The following POU2F1 variants were observed in gnomAD, a reference collection of about 807,000 sequenced individuals.
The protein encoded by POU2F1 is POU class 2 homeobox 1, also known as POU domain, class 2, transcription factor 1.
In POU2F1, 16 loss-of-function variants were observed where a neutral mutation model predicts 84.9. The observed-to-expected ratio is 0.19, with a 90% CI of 0.13 to 0.29. The LOEUF (loss-of-function observed/expected upper bound fraction) is 0.29, where lower values mean the gene tolerates loss of function less well. Ranked by LOEUF, POU2F1 falls within the 10% of genes least tolerant of loss-of-function variation. POU2F1 has a pLI of 1.00. For synonymous variants in POU2F1, 368 were observed against 368.3 expected, an observed-to-expected ratio of 1.00 and a Z score of 0.01; for missense variants, 738 against 942.6, an observed-to-expected ratio of 0.78 and a Z score of 2.84.
In POU2F1 at chr1:167,426,261, CTTGT is replaced by C. The variant is rs1650941844; in HGVS notation, c.*10458_*10461del. 6.6e-6 allele frequency: 1 copy of C among 151,832 alleles called. No homozygotes were observed. The highest frequency in any genetic ancestry group is 1.5e-5 in the Non-Finnish European group (1 of 67,976). The allele number at this position is 151,832 out of a possible 1,614,324, so 9.4% of individuals were successfully genotyped here. On this transcript the variant is annotated 3_prime_UTR_variant, in exon 16 of 16. Transcript: ENST00000367866. ...TTAAAAAAAAAATGTCGTTTAACTT[CTTGT>C]TTGTTTCAGTGTAATGCTCTTAAAG...
At position 167,423,129 on chromosome 1, in the gene POU2F1, A is replaced by G. The variant is rs1040138671; in HGVS notation, c.*7319A>G. ...GACAATATTTAGATGTGGTATCTCCATCTGTCTCCTGTAAAAGATAAGAAT... is the reference window on the plus strand; with the variant it reads ...GACAATATTTAGATGTGGTATCTCCGTCTGTCTCCTGTAAAAGATAAGAAT... On this transcript the variant is annotated 3_prime_UTR_variant, in exon 16 of 16. Coordinates refer to ENST00000367866, the MANE Select transcript of POU2F1 (RefSeq NM_002697.4). 1 of 152,220 alleles carries G rather than the reference A, an allele frequency of 6.6e-6. No individual in the cohort carries two copies. The highest frequency in any genetic ancestry group is 2.1e-4 in the South Asian group (1 of 4,836). The allele number at this position is 152,220 out of a possible 1,614,324, so 9.4% of individuals were successfully genotyped here. A position where few individuals can be genotyped will look rare whatever the true frequency, so the allele number is the denominator to read the frequency against.
At chr1:167,317,760 C>A (rs1656018229) in intron 1 of POU2F1, among the ~76,000 whole-genome samples, 1 of 152,248 alleles carries the variant, frequency 6.6e-6, no homozygotes, top group African/African-American at 2.4e-5. Context: ...ATAGCCATCA[C>A]AAGCATGTCA....
chr1:167,396,118 CTG>C lies in POU2F1; in HGVS notation c.988-165_988-164del, dbSNP rs141427168. 6.7e-3 allele frequency among the ~76,000 whole-genome samples: 1,014 copies of C among 152,266 alleles called. 4 individuals carry two copies. Among genetic ancestry groups the C allele is most frequent in the Non-Finnish European group, 0.011 (771 of 68,020 alleles). On this transcript the variant is annotated intron_variant, in intron 9 of 15. Coordinates refer to ENST00000367866, the MANE Select transcript of POU2F1 (RefSeq NM_002697.4). The stretch of plus-strand genomic sequence containing the variant: ...GCCTAAAAGAGTCCTCACAGTAACA[CTG>C]TGACTGGCTTAGGGATGGAGTTTAT...
At chr1:167,359,813 T>G (rs111921736) in intron 2 of POU2F1, among the ~76,000 whole-genome samples, 12 of 127,588 alleles carry the variant, frequency 9.4e-5, no homozygotes, top group African/African-American at 3.4e-4. Flanking sequence ...GTGTACGTGG[T>G]TTTTTTTTTT....
At chr1:167,291,453 T>C (rs981940078) in intron 1 of POU2F1, among the ~76,000 whole-genome samples, 2 of 152,196 alleles carry the variant, frequency 1.3e-5, no homozygotes, top group African/African-American at 4.8e-5. Context: ...GCACAGCTGA[T>C]TATTTGTTAT....
intron 1 of POU2F1, among the ~76,000 whole-genome samples, chr1:167,311,624 G>A (rs1166017207): frequency 6.6e-6 from 1 of 151,844 alleles, no homozygotes; most frequent in Admixed American, 6.6e-5. Flanking sequence ...CCCTGTGTAG[G>A]CCTAGTCTAA....
At chr1:167,397,617 G>A (rs1346528385) in intron 10 of POU2F1, among the ~76,000 whole-genome samples, 2 of 152,098 alleles carry the variant, frequency 1.3e-5, no homozygotes, top group Non-Finnish European at 2.9e-5. Flanking sequence ...ACCATCTCAG[G>A]TCACTGCAGC....
chr1:167,370,136 T>C (rs748833438), intron 3 of POU2F1, 25 bp from the exon 4 acceptor site: 6 of 1,594,730 alleles, frequency 3.8e-6, no homozygotes, highest in Non-Finnish European at 5.1e-6. Flanking sequence ...AGTATTAAAC[T>C]AGAACTTCCC....
chr1:167,314,504 T>C (rs966227784), intron 1 of POU2F1, among the ~76,000 whole-genome samples: 1 of 152,006 alleles, frequency 6.6e-6, no homozygotes, highest in Non-Finnish European at 1.5e-5. Context: ...AGTTCAGGCA[T>C]GGTGGTTGTC....
Position 167,238,752 on chromosome 1 carries a change from G to A in POU2F1, c.61+17794G>A, listed in dbSNP as rs556226459. On this transcript the variant is annotated intron_variant, in intron 1 of 15. Transcript: ENST00000367866. ...CCTGTTTTGTTCACAGTTAGTACAA[G>A]GTTACTGGCATAGGGTAGGTTATCA... Among the ~76,000 whole-genome samples the A allele has an allele frequency of 3.3e-5, 5 of 152,328 alleles. No homozygotes were observed. The South Asian group carries it at 1.0e-3, about 32-fold the overall frequency.
chr1:167,388,456 T>A (rs1648146873), intron 8 of POU2F1, among the ~76,000 whole-genome samples: 1 of 152,152 alleles, frequency 6.6e-6, no homozygotes, highest in Non-Finnish European at 1.5e-5. Context: ...ATTACACACA[T>A]AGGTGGAAAA....
chr1:167,373,164 G>T (rs888931149), intron 5 of POU2F1, among the ~76,000 whole-genome samples: 1 of 152,152 alleles, frequency 6.6e-6, no homozygotes, highest in African/African-American at 2.4e-5. Context: ...TGCACAAATT[G>T]TGTTTGATTC....
chr1:167,222,147 C>T (rs1648267748), intron 1 of POU2F1, among the ~76,000 whole-genome samples: 1 of 152,176 alleles, frequency 6.6e-6, no homozygotes, highest in African/African-American at 2.4e-5. Context: ...TAAAGGGCTG[C>T]CCTCCTGCCC....
At chr1:167,315,384 CTT>C (rs1285637106) in intron 1 of POU2F1, among the ~76,000 whole-genome samples, 1 of 152,164 alleles carries the variant, frequency 6.6e-6, no homozygotes, top group East Asian at 1.9e-4. Flanking sequence ...TTGTCATCCT[CTT>C]TACCTCCTAT....
At position 167,401,542 on chromosome 1, in the gene POU2F1, A is replaced by G. The variant is rs761884757; in HGVS notation, c.1541A>G (p.Asn514Ser). 3.7e-6 allele frequency: 6 copies of G among 1,606,196 alleles called. No homozygotes were observed. The Admixed American group carries it at 6.8e-5, about 18-fold the overall frequency. The part of the protein sequence containing the change: ...VLPLTSAAVT[N>S]LSVTGTSDTT... ...CCTCTGACCAGTGCTGCTGTGACGA[A>G]TCTTTCAGTTACAGGTAAGCAGCTG... Residue 514 changes from asparagine to serine, a missense_variant, in exon 13 of 16, where the codon AAT becomes AGT. This residue lies in a region of POU2F1 where 319 missense variants were observed against 386.0 expected (regional missense o/e 0.83). Transcript: ENST00000367866.
At chr1:167,285,724 G>A (rs1185304399) in intron 1 of POU2F1, among the ~76,000 whole-genome samples, 1 of 152,208 alleles carries the variant, frequency 6.6e-6, no homozygotes, top group Non-Finnish European at 1.5e-5. Context: ...TCCTGGGCTA[G>A]TGCTCATTTA....
intron 5 of POU2F1, among the ~76,000 whole-genome samples, chr1:167,372,741 G>T (rs1260396160): frequency 6.6e-6 from 1 of 152,142 alleles, no homozygotes; most frequent in Non-Finnish European, 1.5e-5. Flanking sequence ...AAATTGGCCT[G>T]TTTGGCTATA....
chr1:167,221,905 C>T (rs1446969773), intron 1 of POU2F1, among the ~76,000 whole-genome samples: 8 of 151,970 alleles, frequency 5.3e-5, no homozygotes, highest in East Asian at 2.0e-4. Context: ...CCCGCGCGCC[C>T]CCGGCCGGCG....
In POU2F1 at chr1:167,314,154, C is replaced by T. The variant is rs185791527; in HGVS notation, c.62-18316C>T. Among the ~76,000 whole-genome samples, 98 of 149,624 alleles carry T rather than the reference C, an allele frequency of 6.5e-4. 1 individual carries two copies. The South Asian group carries it at 8.2e-3, about 13-fold the overall frequency. On this transcript the variant is annotated intron_variant, in intron 1 of 15. Coordinates refer to ENST00000367866, the MANE Select transcript of POU2F1 (RefSeq NM_002697.4). ...CAGAGGTTGCAGTGAGCTGAGATTG[C>T]GCCACTGCACTCCAGCCTGGGCAAC...
Sources: gnomAD v4.1 joint callset for allele counts (sites outside exome capture counted in the v4.1 genomes callset) on GRCh38, gnomAD v4.1.1 for gene constraint, gnomAD v4.1.1 regional missense constraint, MANE v1.5 for transcripts, NCBI Gene and HGNC (gene_info 2026-07-23, HGNC 2026-07-21) for gene names.